ACTR3C: variants seen among roughly 807,000 people sequenced by gnomAD.
ACTR3C encodes actin related protein 3C, also known as actin-related protein 3C.
Under a neutral mutation model 26.3 loss-of-function variants are expected in ACTR3C, and 18 were observed. The ratio of observed to expected loss-of-function variants is 0.68; its 90% CI spans 0.47 to 1.01. ACTR3C has a LOEUF of 1.01. ACTR3C is among the 50% of genes least tolerant of loss of function. ACTR3C has a pLI of 0.00. For missense variants in ACTR3C, 184 were observed against 250.7 expected (o/e 0.73, Z 1.80); for synonymous variants, 55 against 94.5 (o/e 0.58, Z 2.42).
chr7:150,195,540 T>TAA, the ACTR3C span, among the ~76,000 whole-genome samples: 34 of 152,222 alleles, frequency 2.2e-4, no homozygotes, highest in African/African-American at 8.2e-4. Context: ...TCCCTCTGTA[T>TAA]AAAATTCTGT....
chr7:150,035,169 G>C, the ACTR3C span, among the ~76,000 whole-genome samples: 1 of 141,184 alleles, frequency 7.1e-6, no homozygotes. Flanking sequence ...AGCCAGGGGG[G>C]GAAGAGGGTC....
chr7:150,167,034 A>ATATG, the ACTR3C span, among the ~76,000 whole-genome samples: 1 of 147,206 alleles, frequency 6.8e-6, no homozygotes, highest in East Asian at 1.9e-4. Flanking sequence ...ATATATATAT[A>ATATG]TGGTATTTCT....
the ACTR3C span, among the ~76,000 whole-genome samples, chr7:149,921,643 G>A: frequency 6.6e-6 from 1 of 152,156 alleles, no homozygotes; most frequent in Non-Finnish European, 1.5e-5. Context: ...TTGGGAGGCT[G>A]AGGCAGGCAG....
At chr7:149,891,839 A>G in the ACTR3C span, among the ~76,000 whole-genome samples, 1 of 47,236 alleles carries the variant, frequency 2.1e-5, no homozygotes, top group African/African-American at 4.0e-5. Flanking sequence ...AAACAACAAA[A>G]AATACAATGA....
intron 1 of ACTR3C, among the ~76,000 whole-genome samples, chr7:150,321,133 A>C (rs1265134857): frequency 6.6e-6 from 1 of 152,180 alleles, no homozygotes; most frequent in African/African-American, 2.4e-5. Flanking sequence ...GCTTGTGTTC[A>C]GCAAAAATCT....
chr7:150,008,480 A>C, the ACTR3C span, among the ~76,000 whole-genome samples: 1 of 152,238 alleles, frequency 6.6e-6, no homozygotes, highest in Non-Finnish European at 1.5e-5. Flanking sequence ...TAATTACATA[A>C]AATTTAAATA....
At chr7:150,194,939 C>A in the ACTR3C span, among the ~76,000 whole-genome samples, 15 of 151,936 alleles carry the variant, frequency 9.9e-5, no homozygotes, top group Non-Finnish European at 1.5e-4. Context: ...ATTAAAAATA[C>A]AAAAATTAGC....
chr7:150,039,161 A>AG, the ACTR3C span, among the ~76,000 whole-genome samples: 1 of 150,360 alleles, frequency 6.7e-6, no homozygotes, highest in African/African-American at 2.5e-5. Flanking sequence ...GTGGGGGAAG[A>AG]GGGTCTGGCT....
the ACTR3C span, among the ~76,000 whole-genome samples, chr7:150,031,258 A>G: frequency 9.0e-6 from 1 of 110,734 alleles, no homozygotes; most frequent in African/African-American, 3.5e-5. Context: ...CTCTGTCCCA[A>G]ATTTAAAAAA....
At chr7:150,124,574 C>G in the ACTR3C span, among the ~76,000 whole-genome samples, 1 of 152,164 alleles carries the variant, frequency 6.6e-6, no homozygotes, top group African/African-American at 2.4e-5. Context: ...CTGGTTCCCT[C>G]ACATTCTACA....
the ACTR3C span, among the ~76,000 whole-genome samples, chr7:150,077,148 A>C: frequency 1.7e-3 from 257 of 147,114 alleles, 1 homozygote; most frequent in Non-Finnish European, 2.8e-3. Flanking sequence ...CTGGGCAACA[A>C]GAGTGAAACT....
At chr7:150,263,739 AAGAC>A (rs1219509550) in intron 6 of ACTR3C, among the ~76,000 whole-genome samples, 5 of 152,188 alleles carry the variant, frequency 3.3e-5, no homozygotes, top group African/African-American at 1.2e-4. Context: ...CAGAGGGAAA[AAGAC>A]AGAATATCTG....
chr7:150,004,687 C>T, the ACTR3C span: 2 of 152,260 alleles, frequency 1.3e-5, no homozygotes, highest in African/African-American at 2.4e-5. Context: ...ACACTGATAT[C>T]ACGTGCCTCT....
At chr7:150,175,813 A>T in the ACTR3C span, among the ~76,000 whole-genome samples, 3 of 132,834 alleles carry the variant, frequency 2.3e-5, no homozygotes, top group South Asian at 2.5e-4. Flanking sequence ...ACTCCATCTG[A>T]ACAAAAAAAA....
the ACTR3C span, among the ~76,000 whole-genome samples, chr7:149,945,959 G>A: frequency 2.0e-5 from 3 of 152,164 alleles, no homozygotes; most frequent in Non-Finnish European, 4.4e-5. Flanking sequence ...GGAGACAGGC[G>A]ACCTTGCCAG....
chr7:149,965,899 C>G, the ACTR3C span, among the ~76,000 whole-genome samples: 1 of 152,132 alleles, frequency 6.6e-6, no homozygotes, highest in Non-Finnish European at 1.5e-5. Context: ...AAGCTAAGAC[C>G]CAGAGAGTAA....
At chr7:149,993,917 C>A in the ACTR3C span, among the ~76,000 whole-genome samples, 1 of 152,160 alleles carries the variant, frequency 6.6e-6, no homozygotes, top group African/African-American at 2.4e-5. Flanking sequence ...GATTAGTATT[C>A]CATAAAATCC....
intron 1 of ACTR3C, among the ~76,000 whole-genome samples, chr7:150,297,477 CTT>C (rs762875830): frequency 6.6e-6 from 1 of 151,984 alleles, no homozygotes; most frequent in Non-Finnish European, 1.5e-5. Flanking sequence ...AGAGGATAAA[CTT>C]TATCCACTCA....
the ACTR3C span, among the ~76,000 whole-genome samples, chr7:150,207,220 T>C: frequency 3.3e-5 from 5 of 152,112 alleles, no homozygotes; most frequent in African/African-American, 1.2e-4. Context: ...TGGCAAGCCT[T>C]TCCTACCTAA....
Sources: gnomAD v4.1 joint callset for allele counts (sites outside exome capture counted in the v4.1 genomes callset) on GRCh38, gnomAD v4.1.1 for gene constraint, MANE v1.5 for transcripts, NCBI Gene and HGNC (gene_info 2026-07-23, HGNC 2026-07-21) for gene names.